The following GRHL2 variants were observed in gnomAD, a reference collection of about 807,000 sequenced individuals.
GRHL2 encodes grainyhead-like protein 2 homolog.
A neutral mutation model predicts 83.8 loss-of-function variants in GRHL2; 21 were observed. The ratio of observed to expected loss-of-function variants is 0.25; its 90% CI spans 0.18 to 0.36. The LOEUF is 0.36. GRHL2 is among the 10% of genes least tolerant of loss of function. The pLI, the probability that GRHL2 is intolerant of heterozygous loss-of-function variation, is 1.00. For synonymous variants in GRHL2, 280 were observed against 278.9 expected, an observed-to-expected ratio of 1.00 and a Z score of -0.04; for missense variants, 623 against 781.8, an observed-to-expected ratio of 0.80 and a Z score of 2.42.
At chr8:101,635,197 T>A (rs1813262547) in intron 11 of GRHL2, among the ~76,000 whole-genome samples, 2 of 152,224 alleles carry the variant, frequency 1.3e-5, no homozygotes, top group Non-Finnish European at 2.9e-5. Context: ...CTTCATCTTT[T>A]GAGTTAAAAT....
At chr8:101,519,425 G>T (rs1810638069) in intron 1 of GRHL2, among the ~76,000 whole-genome samples, 1 of 151,420 alleles carries the variant, frequency 6.6e-6, no homozygotes, top group African/African-American at 2.4e-5. Context: ...TTTTTAAAGG[G>T]TCTTGCTCTG....
chr8:101,670,406 T>C (rs902712726), downstream of GRHL2, among the ~76,000 whole-genome samples: 1 of 152,206 alleles, frequency 6.6e-6, no homozygotes, highest in African/African-American at 2.4e-5. Flanking sequence ...TGGCTAAACA[T>C]CATTTGCCTT....
At chr8:101,651,516 TC>T (rs1213580764) in intron 14 of GRHL2, among the ~76,000 whole-genome samples, 1 of 152,224 alleles carries the variant, frequency 6.6e-6, no homozygotes, top group Non-Finnish European at 1.5e-5. Context: ...TGGTGTCTTT[TC>T]TTTACCTTCC....
chr8:101,553,713 C>T (rs768979204), intron 3 of GRHL2, among the ~76,000 whole-genome samples: 25 of 151,474 alleles, frequency 1.7e-4, no homozygotes, highest in East Asian at 3.9e-4. Context: ...CTGTAATCTC[C>T]GCCTCCCAGG....
At chr8:101,523,910 T>G (rs1810748539) in intron 1 of GRHL2, among the ~76,000 whole-genome samples, 1 of 152,238 alleles carries the variant, frequency 6.6e-6, no homozygotes, top group Admixed American at 6.5e-5. Context: ...CTTATTTGTT[T>G]TGACTCACAT....
chr8:101,537,524 G>C (rs893545250), intron 1 of GRHL2, among the ~76,000 whole-genome samples: 8 of 152,170 alleles, frequency 5.3e-5, no homozygotes, highest in African/African-American at 1.9e-4. Context: ...GTTATTAGTA[G>C]AATTAGTTCT....
At chr8:101,617,642 C>T (rs1812882524) in intron 8 of GRHL2, among the ~76,000 whole-genome samples, 1 of 152,108 alleles carries the variant, frequency 6.6e-6, no homozygotes, top group African/African-American at 2.4e-5. Context: ...GTAGCTGGGA[C>T]TACAGGGATG....
At position 101,515,841 on chromosome 8, in the gene GRHL2, A is replaced by G. The variant is rs181695676; in HGVS notation, c.20+23052A>G. On this transcript the variant is annotated intron_variant, in intron 1 of 15. Transcript: ENST00000646743. ...CAGCTTAAGAATATTGCACTTTACA[A>G]TAATGTTAATATCAAGCTCTTTCAT... 3.2e-4 allele frequency among the ~76,000 whole-genome samples: 49 copies of G among 152,298 alleles called. 1 individual carries two copies. The highest frequency in any genetic ancestry group is 1.0e-3 in the African/African-American group (43 of 41,552).
At chr8:101,606,687 G>C (rs1266106803) in intron 8 of GRHL2, among the ~76,000 whole-genome samples, 1 of 152,170 alleles carries the variant, frequency 6.6e-6, no homozygotes, top group Non-Finnish European at 1.5e-5. Flanking sequence ...TGTGAGATGT[G>C]ACTAGAGCCA....
rs569159888 is a variant in GRHL2, at chr8:101,601,095, G to A, written c.1098+1944G>A. ...GGATTGCTCAAGCCCAGGAGGCAGA[G>A]GCTGCAATGAGCCATGATCATGCCA... On this transcript the variant is annotated intron_variant, in intron 8 of 15. Transcript: ENST00000646743. Among the ~76,000 whole-genome samples, 30 of 152,066 alleles carry A rather than the reference G, an allele frequency of 2.0e-4. No individual in the cohort carries two copies. The South Asian group carries it at 6.2e-3, about 32-fold the overall frequency.
the GRHL2 span, among the ~76,000 whole-genome samples, chr8:101,677,779 G>T: frequency 6.6e-6 from 1 of 152,068 alleles, no homozygotes; most frequent in African/African-American, 2.4e-5. Flanking sequence ...AAGGGTGTCT[G>T]GGACCATACA....
intron 13 of GRHL2, among the ~76,000 whole-genome samples, chr8:101,644,905 T>C (rs1261291154): frequency 6.6e-6 from 1 of 151,702 alleles, no homozygotes; most frequent in African/African-American, 2.4e-5. Flanking sequence ...GGTAGTGCAG[T>C]AGCACGATCA....
chr8:101,507,698 A>G (rs73701911), intron 1 of GRHL2, among the ~76,000 whole-genome samples: 7,904 of 148,580 alleles, frequency 0.053, 278 homozygotes, highest in African/African-American at 0.092. Flanking sequence ...CAAATTAACC[A>G]TTTCTCCTTT....
At chr8:101,540,359 T>C (rs12114930) in intron 1 of GRHL2, among the ~76,000 whole-genome samples, 79,748 of 152,066 alleles carry the variant, frequency 0.52, 21,752 homozygotes, top group Non-Finnish European at 0.6. Context: ...CTATACTACT[T>C]CATGTCACCA....
chr8:101,579,613 C>T (rs1586114069), intron 7 of GRHL2, among the ~76,000 whole-genome samples: 1 of 152,298 alleles, frequency 6.6e-6, no homozygotes, highest in African/African-American at 2.4e-5. Flanking sequence ...CCAATCTCAA[C>T]CTGACATCTG....
At chr8:101,508,033 G>A (rs541591592) in intron 1 of GRHL2, among the ~76,000 whole-genome samples, 9 of 152,118 alleles carry the variant, frequency 5.9e-5, no homozygotes, top group African/African-American at 1.7e-4. Context: ...AGATCCACCC[G>A]CCTTGAACTC....
chr8:101,554,140 C>A (rs1165976337), intron 3 of GRHL2, among the ~76,000 whole-genome samples: 4 of 152,192 alleles, frequency 2.6e-5, no homozygotes, highest in African/African-American at 9.7e-5. Flanking sequence ...CTCCACCAAC[C>A]AGCAGCCATA....
chr8:101,654,475 G>A (rs965005844), intron 14 of GRHL2, among the ~76,000 whole-genome samples: 3 of 152,178 alleles, frequency 2.0e-5, no homozygotes, highest in Non-Finnish European at 4.4e-5. Context: ...AGAACCTGCT[G>A]TTATTGCCCC....
intron 2 of GRHL2, among the ~76,000 whole-genome samples, chr8:101,549,259 CAG>C (rs375325802): frequency 5.9e-5 from 9 of 152,162 alleles, no homozygotes; most frequent in African/African-American, 1.4e-4. Flanking sequence ...GAAGCAAAAA[CAG>C]GGGCTGCCTA....
Sources: allele counts gnomAD v4.1 joint callset (sites outside exome capture counted in the v4.1 genomes callset), GRCh38; gene constraint gnomAD v4.1.1; transcripts MANE v1.5; gene names NCBI Gene and HGNC (gene_info 2026-07-23, HGNC 2026-07-21).